PZP: variants seen among roughly 807,000 people sequenced by gnomAD.
The protein encoded by PZP is PZP alpha-2-macroglobulin like.
PZP carries 150 observed loss-of-function variants against 179.8 expected under a neutral mutation model. The ratio of observed to expected loss-of-function variants is 0.83; its 90% confidence interval spans 0.73 to 0.96. The LOEUF (loss-of-function observed/expected upper bound fraction) is 0.96, where lower values mean the gene tolerates loss of function less well. PZP is among the 40% of genes least tolerant of loss of function. The probability of loss-of-function intolerance (pLI) is 0.00; values close to 1 mark genes in which losing one functional copy is unlikely to be tolerated. For missense variants in PZP, 1,689 were observed against 1,764.0 expected, an observed-to-expected ratio of 0.96 and a Z score of 0.76; for synonymous variants, 624 against 652.3, an observed-to-expected ratio of 0.96 and a Z score of 0.66.
intron 8 of PZP, 51 bp downstream of exon 8, chr12:9,196,961 C>A: frequency 2.3e-6 from 3 of 1,318,756 alleles, no homozygotes; most frequent in South Asian, 2.5e-5. Flanking sequence ...AAAATGGAGT[C>A]TCACTGGTTG....
chr12:9,203,025 A>G (rs1206242143), intron 2 of PZP, among the ~76,000 whole-genome samples: 1 of 152,182 alleles, frequency 6.6e-6, no homozygotes, highest in African/African-American at 2.4e-5. Context: ...AAGTTAGGCA[A>G]CTTTAAAGAG....
intron 13 of PZP, among the ~76,000 whole-genome samples, chr12:9,184,149 A>G (rs1368871224): frequency 2.6e-5 from 4 of 152,226 alleles, no homozygotes; most frequent in Non-Finnish European, 4.4e-5. Flanking sequence ...GTGTGTGTGC[A>G]CCCTGCCTTG....
At chr12:9,163,574 T>C in intron 21 of PZP, 94 bp downstream of exon 21, 2 of 1,383,816 alleles carry the variant, frequency 1.4e-6, no homozygotes, top group East Asian at 2.3e-5. Flanking sequence ...GGATGTATTG[T>C]GTGAGCATGA....
Position 9,157,251 on chromosome 12 carries a change from A to G in PZP, c.3474T>C (p.Tyr1158=), listed in dbSNP as rs2120602348. 1 of 1,614,194 alleles carries G rather than the reference A, an allele frequency of 6.2e-7. No individual in the cohort carries two copies. Among genetic ancestry groups the G allele is most frequent in the Non-Finnish European group, 8.5e-7 (1 of 1,180,028 alleles). Reference sequence around the variant, plus strand: ...TTTGCTTTCCCAGTAGGGAAAAAGCATAGGCCAGCAATGCCTTGGTGTAGA... The same window carrying G: ...TTTGCTTTCCCAGTAGGGAAAAAGCGTAGGCCAGCAATGCCTTGGTGTAGA... ...SHVYTKALLA[Y]AFSLLGKQNQ... The change falls in exon 28 of 36, where the codon TAT becomes TAC. Residue 1158 remains tyrosine, a synonymous_variant. Coordinates refer to ENST00000261336, the MANE Select transcript of PZP (RefSeq NM_002864.3).
intron 8 of PZP, 25 bp from the exon 9 acceptor site, chr12:9,196,710 A>C: frequency 6.6e-7 from 1 of 1,521,388 alleles, no homozygotes; most frequent in Non-Finnish European, 9.1e-7. Context: ...AAAACCAATA[A>C]ATGTCAAACT....
Position 9,152,903 on chromosome 12 carries a change from C to A in PZP, c.4042G>T (p.Ala1348Ser). ...TGGGGCACAGTCTGCACTTTTAAAG[C>A]AAATGGGGAGTCCTCTTTCTCTGGA... ...ILPEKEDSPFALKVQTVPQTC... is the reference protein window; with the variant it reads ...ILPEKEDSPFSLKVQTVPQTC... The change falls in exon 31 of 36, where the codon GCT (alanine) becomes TCT (serine). Residue 1348 changes from alanine to serine, a missense_variant. Physicochemically the swap from Ala to Ser is moderately conservative, Grantham distance 99 (BLOSUM62 1). Coordinates refer to ENST00000261336, the MANE Select transcript of PZP (RefSeq NM_002864.3). The A allele has an allele frequency of 6.2e-7, 1 of 1,614,118 alleles. No individual in the cohort carries two copies. Among genetic ancestry groups the A allele is most frequent in the Non-Finnish European group, 8.5e-7 (1 of 1,180,010 alleles).
At chr12:9,203,265 T>TAA (rs34723854) in intron 2 of PZP, among the ~76,000 whole-genome samples, 2 of 151,470 alleles carry the variant, frequency 1.3e-5, no homozygotes, top group Non-Finnish European at 2.9e-5. Flanking sequence ...CTTACTCTGG[T>TAA]AAAAAATGCT....
intron 15 of PZP, chr12:9,169,947 A>G (rs1243087608): frequency 6.2e-6 from 1 of 162,150 alleles, no homozygotes; most frequent in Non-Finnish European, 1.3e-5. Context: ...GCTACATATT[A>G]TTATTGCCAC....
rs765962383 is a variant in PZP at position 9,148,932 on chromosome 12, AG to A, written c.*39del. On this transcript the variant is annotated 3_prime_UTR_variant, in exon 36 of 36. Transcript: ENST00000261336. ...CTCCATTCCTTCTAAGTAAATGTAT[AG>A]GACAGAGAATCCACCAAAATATACA... 2.6e-6 allele frequency: 4 copies of A among 1,549,910 alleles called. No homozygotes were observed. The highest frequency in any genetic ancestry group is 3.4e-5 in the Admixed American group (2 of 59,444).
At chr12:9,157,067 C>A in intron 28 of PZP, 108 bp downstream of exon 28, 1 of 1,067,112 alleles carries the variant, frequency 9.4e-7, no homozygotes, top group African/African-American at 1.6e-5. Flanking sequence ...GCTATCTATC[C>A]TGATGCTCTC....
chr12:9,152,801 G>T (rs1415987351), intron 31 of PZP, 23 bp downstream of exon 31: 1 of 1,606,792 alleles, frequency 6.2e-7, no homozygotes, highest in Non-Finnish European at 8.5e-7. Flanking sequence ...CCAAAGATAG[G>T]TGATTAGGTT....
chr12:9,194,117 A>C lies in PZP; in HGVS notation c.1214T>G (p.Ile405Ser). Residue 405 changes from isoleucine (I) to serine (S), a missense_variant, in exon 11 of 36, where the codon ATC becomes AGC. By Grantham distance (142) the Ile-to-Ser change is moderately radical. This residue lies in a region of PZP where 742 missense variants were observed against 730.5 expected (regional missense o/e 1.02). Transcript: ENST00000261336. ...ATTAACCGAGATACTGGTAGTATTG[A>C]TTGAAAACTGTGCAAGACCCTGCTC... The part of the protein sequence containing the change: ...TNEQGLAQFS[I>S]NTTSISVNKL... The C allele has an allele frequency of 6.2e-7, 1 of 1,614,042 alleles. No individual in the cohort carries two copies. Among genetic ancestry groups the C allele is most frequent in the Non-Finnish European group, 8.5e-7 (1 of 1,179,962 alleles).
intron 13 of PZP, among the ~76,000 whole-genome samples, chr12:9,182,776 G>T (rs1458328877): frequency 6.6e-6 from 1 of 152,190 alleles, no homozygotes; most frequent in African/African-American, 2.4e-5. Context: ...TGGTCCACTG[G>T]GGACTTGAGT....
chr12:9,148,829 G>A, downstream of PZP: 1 of 663,582 alleles, frequency 1.5e-6, no homozygotes, highest in Non-Finnish European at 2.6e-6. Context: ...AATGAATGAT[G>A]CAACAAGTGA....
At chr12:9,177,116 G>A (rs186102729) in intron 15 of PZP, among the ~76,000 whole-genome samples, 9 of 152,288 alleles carry the variant, frequency 5.9e-5, no homozygotes, top group Non-Finnish European at 1.0e-4. Flanking sequence ...AACATTGTTC[G>A]TCGCACAATG....
At chr12:9,194,303 A>G in intron 10 of PZP, 65 bp from the exon 11 acceptor site, 1 of 1,480,816 alleles carries the variant, frequency 6.8e-7, no homozygotes, top group Non-Finnish European at 9.2e-7. Context: ...ACTCATGTGA[A>G]CAAATGCTTT....
chr12:9,163,902 A>G, intron 20 of PZP, 113 bp from the exon 21 acceptor site: 2 of 1,364,422 alleles, frequency 1.5e-6, no homozygotes, highest in Non-Finnish European at 2.0e-6. Flanking sequence ...CTAAAAAAAA[A>G]GAAACCCACA....
At chr12:9,154,577 A>G (rs770017369) in intron 29 of PZP, 39 bp downstream of exon 29, 15 of 1,579,874 alleles carry the variant, frequency 9.5e-6, no homozygotes, top group Middle Eastern at 3.3e-4. Flanking sequence ...CCAATTGCCA[A>G]GTGAACCTGG....
chr12:9,194,744 G>A (rs770999093), intron 10 of PZP, among the ~76,000 whole-genome samples: 3 of 152,092 alleles, frequency 2.0e-5, no homozygotes, highest in Admixed American at 6.6e-5. Context: ...GATTACAGGC[G>A]TGAGCCACCG....
Sources: allele counts gnomAD v4.1 joint callset (sites outside exome capture counted in the v4.1 genomes callset), GRCh38; gene constraint gnomAD v4.1.1; regional missense constraint gnomAD v4.1.1; transcripts MANE v1.5; gene names NCBI Gene and HGNC (gene_info 2026-07-23, HGNC 2026-07-21).